The following GPD2 variants were observed in gnomAD, a reference collection of about 807,000 sequenced individuals.
GPD2 encodes glycerol-3-phosphate dehydrogenase, mitochondrial.
Under a neutral mutation model 82.4 loss-of-function variants are expected in GPD2, and 54 were observed. That is an observed-to-expected ratio of 0.66 (90% CI 0.53 to 0.82). The LOEUF (loss-of-function observed/expected upper bound fraction) is 0.82. Among genes scored for constraint, GPD2 ranks in the 40% least tolerant of loss-of-function variants. The probability of loss-of-function intolerance (pLI) is 0.00; values close to 1 mark genes in which losing one functional copy is unlikely to be tolerated. For synonymous variants in GPD2, 288 were observed against 306.1 expected (o/e 0.94, Z 0.62); for missense variants, 748 against 896.2 (o/e 0.83, Z 2.11).
intron 9 of GPD2, among the ~76,000 whole-genome samples, chr2:156,567,127 G>A (rs2105360028): frequency 6.6e-6 from 1 of 151,938 alleles, no homozygotes; most frequent in South Asian, 2.1e-4. Context: ...ATTCTTATCA[G>A]TATATGATTT....
chr2:156,568,832 A>T lies in GPD2; in HGVS notation c.1173A>T (p.Arg391Ser), dbSNP rs774777580. The T allele has an allele frequency of 6.2e-7, 1 of 1,612,818 alleles. No homozygotes were observed. The highest frequency in any genetic ancestry group is 8.5e-7 in the Non-Finnish European group (1 of 1,178,984). ...GGCATTGATTCCTACCAGTGAGAAG[A>T]GGGGATGTCCTGGCAGCATGGAGTG... ...NYLSCDVEVR[R>S]GDVLAAWSGI... The change falls in exon 10 of 17, where the codon AGA (arginine) becomes AGT (serine). Residue 391 changes from arginine to serine, a missense_variant. Arg to Ser is a moderately radical substitution (Grantham distance 110, BLOSUM62 -1). This residue lies in a region of GPD2 where 692 missense variants were observed against 809.7 expected (regional missense o/e 0.85). Coordinates refer to ENST00000438166, the MANE Select transcript of GPD2 (RefSeq NM_000408.5).
At chr2:156,559,732 T>C (rs1015030201) in intron 9 of GPD2, among the ~76,000 whole-genome samples, 12 of 152,216 alleles carry the variant, frequency 7.9e-5, no homozygotes, top group African/African-American at 2.9e-4. Flanking sequence ...TAAATACATA[T>C]CATTGAAATC....
chr2:156,566,067 G>C lies in GPD2; in HGVS notation c.1166-2758G>C, dbSNP rs78786402. ...ACTGTGATCCCTGAATGGGATTTAT[G>C]GATTTGAACTAAAACATGGACATGG... On this transcript the variant is annotated intron_variant, in intron 9 of 16. Coordinates refer to ENST00000438166, the MANE Select transcript of GPD2 (RefSeq NM_000408.5). Among the ~76,000 whole-genome samples the C allele has an allele frequency of 2.6e-3, 398 of 152,128 alleles. 1 individual carries two copies. The highest frequency in any genetic ancestry group is 9.0e-3 in the African/African-American group (373 of 41,508).
intron 2 of GPD2, 68 bp from the exon 3 acceptor site, chr2:156,495,976 G>A (rs917904916): frequency 3.5e-6 from 4 of 1,155,318 alleles, no homozygotes; most frequent in African/African-American, 3.0e-5. Context: ...TTTCCTTTTA[G>A]TATATTGTAA....
At chr2:156,563,299 C>A (rs933284760) in intron 9 of GPD2, among the ~76,000 whole-genome samples, 1 of 151,990 alleles carries the variant, frequency 6.6e-6, no homozygotes. Context: ...ATAATTGACA[C>A]TGCTGGAGAC....
Position 156,458,948 on chromosome 2 carries a change from G to A in GPD2, c.-8-17150G>A, listed in dbSNP as rs370000343. On this transcript the variant is annotated intron_variant, in intron 1 of 16. Coordinates refer to ENST00000438166, the MANE Select transcript of GPD2 (RefSeq NM_000408.5). ...ATTTTTAACATTTTGGGGTATATTC[G>A]TCTAACCTTCACTTGTGAGTGTGTA... 2.6e-4 allele frequency among the ~76,000 whole-genome samples: 39 copies of A among 151,802 alleles called. No individual in the cohort carries two copies. The East Asian group carries it at 6.8e-3, about 26-fold the overall frequency.
intron 2 of GPD2, among the ~76,000 whole-genome samples, chr2:156,477,180 C>T (rs1218284111): frequency 6.6e-6 from 1 of 152,162 alleles, no homozygotes; most frequent in Non-Finnish European, 1.5e-5. Context: ...CCTGTAATCC[C>T]AGCACTTTGG....
intron 13 of GPD2, among the ~76,000 whole-genome samples, chr2:156,576,439 T>C (rs1159887961): frequency 1.4e-5 from 2 of 147,228 alleles, no homozygotes; most frequent in East Asian, 2.0e-4. Context: ...CACATGATAC[T>C]ATCTTTAAAT....
chr2:156,518,689 GTT>G (rs1224436511), intron 6 of GPD2, among the ~76,000 whole-genome samples: 1 of 152,108 alleles, frequency 6.6e-6, no homozygotes, highest in Non-Finnish European at 1.5e-5. Context: ...TTTGTTGTTT[GTT>G]TTTTCATTGA....
chr2:156,442,201 C>T (rs375058252), intron 1 of GPD2, among the ~76,000 whole-genome samples: 3 of 152,020 alleles, frequency 2.0e-5, no homozygotes, highest in African/African-American at 2.4e-5. Flanking sequence ...TTTCTGAAAT[C>T]GAGATTTCTA....
At chr2:156,477,264 C>T (rs1441207980) in intron 2 of GPD2, among the ~76,000 whole-genome samples, 2 of 152,066 alleles carry the variant, frequency 1.3e-5, no homozygotes, top group African/African-American at 4.8e-5. Context: ...AACCCTGTCT[C>T]TACAAAAAAA....
the GPD2 span, among the ~76,000 whole-genome samples, chr2:156,414,414 A>G: frequency 6.6e-6 from 1 of 152,216 alleles, no homozygotes; most frequent in African/African-American, 2.4e-5. Flanking sequence ...GAGAGAATCA[A>G]TGTGAGGTCA....
intron 13 of GPD2, among the ~76,000 whole-genome samples, chr2:156,574,618 A>G (rs574943663): frequency 4.6e-5 from 7 of 152,192 alleles, no homozygotes; most frequent in African/African-American, 1.4e-4. Context: ...ATTGATTCCA[A>G]TGAGGAGGAA....
chr2:156,556,225 T>A (rs1033398720), intron 8 of GPD2, among the ~76,000 whole-genome samples: 2 of 152,194 alleles, frequency 1.3e-5, no homozygotes, highest in Non-Finnish European at 2.9e-5. Context: ...TCTTGAAATT[T>A]GTTCAAACCA....
At chr2:156,406,528 T>C in the GPD2 span, among the ~76,000 whole-genome samples, 5 of 152,226 alleles carry the variant, frequency 3.3e-5, no homozygotes, top group Admixed American at 3.3e-4. Context: ...TCCTCTGCCA[T>C]CCTGCATGCT....
At chr2:156,524,147 C>T (rs1424917847) in intron 6 of GPD2, among the ~76,000 whole-genome samples, 1 of 151,206 alleles carries the variant, frequency 6.6e-6, no homozygotes, top group Non-Finnish European at 1.5e-5. Flanking sequence ...TTCCCACCCA[C>T]CCCCACCTTT....
intron 1 of GPD2, among the ~76,000 whole-genome samples, chr2:156,469,675 A>AATT (rs1268920542): frequency 6.6e-5 from 10 of 152,098 alleles, no homozygotes; most frequent in Admixed American, 3.3e-4. Context: ...TGGTCGTTGA[A>AATT]ATTACTCTTC....
At chr2:156,541,095 T>C (rs1030837776) in intron 6 of GPD2, among the ~76,000 whole-genome samples, 1 of 152,278 alleles carries the variant, frequency 6.6e-6, no homozygotes, top group African/African-American at 2.4e-5. Flanking sequence ...ATCTCACTTC[T>C]TCCTCACAAT....
intron 3 of GPD2, among the ~76,000 whole-genome samples, chr2:156,502,197 C>T (rs1484429941): frequency 6.6e-6 from 1 of 151,706 alleles, no homozygotes; most frequent in Non-Finnish European, 1.5e-5. Context: ...AACTTTAAAA[C>T]ATCATAAAAC....
Sources: gnomAD v4.1 joint callset for allele counts (sites outside exome capture counted in the v4.1 genomes callset) on GRCh38, gnomAD v4.1.1 for gene constraint, gnomAD v4.1.1 regional missense constraint, MANE v1.5 for transcripts, NCBI Gene and HGNC (gene_info 2026-07-23, HGNC 2026-07-21) for gene names.